Variants in PCDHGB1 observed in about 807,000 individuals in gnomAD.
The protein encoded by PCDHGB1 is protocadherin gamma-B1.
In PCDHGB1, 34 loss-of-function variants were observed where a neutral mutation model predicts 56.6. The ratio of observed to expected loss-of-function variants is 0.60; its 90% CI spans 0.46 to 0.80. PCDHGB1 has a LOEUF of 0.80. Ranked by LOEUF, PCDHGB1 falls within the 30% of genes least tolerant of loss-of-function variation. The pLI, the probability that PCDHGB1 is intolerant of heterozygous loss-of-function variation, is 0.00. For missense variants in PCDHGB1, 1,278 were observed against 1,204.6 expected (o/e 1.06, Z -0.90); for synonymous variants, 561 against 505.9 (o/e 1.11, Z -1.46).
chr5:141,387,984 C>T (rs1470979893), intron 1 of PCDHGB1: 2 of 1,485,580 alleles, frequency 1.3e-6, no homozygotes. Flanking sequence ...TGAGCAGATC[C>T]GCTACAGGAT....
At position 141,383,936 on chromosome 5, in the gene PCDHGB1, AAGTGACTATG is replaced by A. The variant is rs765282926; in HGVS notation, c.2409+31269_2409+31278del. On this transcript the variant is annotated intron_variant, in intron 1 of 3. Coordinates refer to ENST00000523390, the MANE Select transcript of PCDHGB1 (RefSeq NM_018922.3). ...TTAGATGTAAATGATAATGCTCCAG[AAGTGACTATG>A]ACGTCTTTAAGTAGCTCAATCCCTG... 5.0e-6 allele frequency: 8 copies of A among 1,613,818 alleles called. No homozygotes were observed. In the South Asian group the frequency reaches 8.8e-5, roughly 18 times the overall value.
intron 1 of PCDHGB1, chr5:141,394,617 G>T (rs369651266): frequency 8.1e-6 from 13 of 1,613,372 alleles, no homozygotes; most frequent in Non-Finnish European, 1.1e-5. Flanking sequence ...GGGCCAGAAC[G>T]CCTGGCTGTC....
Position 141,477,662 on chromosome 5 carries a change from A to G in PCDHGB1, c.2410-17145A>G. On this transcript the variant is annotated intron_variant, in intron 1 of 3. Transcript: ENST00000523390. The surrounding 1 kb of genome is among the most constrained non-coding windows in gnomAD (Gnocchi z 4.9). ...TCGCTATTTCACAATAAATCGTGAC[A>G]ATGGCATAGTGTCATCCTTAGTGCC... The G allele has an allele frequency of 6.2e-7, 1 of 1,614,222 alleles. No individual in the cohort carries two copies.
At chr5:141,369,877 C>T (rs1191397409) in intron 1 of PCDHGB1, among the ~76,000 whole-genome samples, 2 of 152,018 alleles carry the variant, frequency 1.3e-5, no homozygotes, top group Non-Finnish European at 2.9e-5. Flanking sequence ...CTAGAGTAAG[C>T]AGAGAAGATA....
In PCDHGB1 at chr5:141,490,462, ACCAG is replaced by A; in HGVS notation, c.2410-4338_2410-4335del. On this transcript the variant is annotated intron_variant, in intron 1 of 3. Coordinates refer to ENST00000523390, the MANE Select transcript of PCDHGB1 (RefSeq NM_018922.3). The surrounding 1 kb of genome is among the most constrained non-coding windows in gnomAD (Gnocchi z 5.4). ...TTCTGAGAACCACTACTCGCTGCTA[ACCAG>A]CCAGCCTTTGGACCGGGAGGCCACA... 1 of 1,614,198 alleles carries A rather than the reference ACCAG, an allele frequency of 6.2e-7. No homozygotes were observed.
Position 141,360,906 on chromosome 5 carries a change from G to C in PCDHGB1, c.2409+8237G>C, listed in dbSNP as rs781720353. On this transcript the variant is annotated intron_variant, in intron 1 of 3. Transcript: ENST00000523390. ...TCACCCTGAGGGAGGACGTGCCGCC[G>C]GGCTTCTTTGTGCTTCAAGTGACAG... 3.1e-6 allele frequency: 5 copies of C among 1,613,894 alleles called. No homozygotes were observed. In the African/African-American group the frequency reaches 6.7e-5, roughly 22 times the overall value.
chr5:141,415,740 G>GTTTTTTTTTTTTTTTTTTTTTTTTTT, intron 1 of PCDHGB1: 11 of 617,992 alleles, frequency 1.8e-5, no homozygotes, highest in Middle Eastern at 5.6e-4. Context: ...GTTTATTAAG[G>GTTTTTTTTTTTTTTTTTTTTTTTTTT]TTTTTTTTTT....
At chr5:141,381,078 T>C (rs1776973656) in intron 1 of PCDHGB1, among the ~76,000 whole-genome samples, 1 of 152,250 alleles carries the variant, frequency 6.6e-6, no homozygotes, top group African/African-American at 2.4e-5. Flanking sequence ...ATGGATTATT[T>C]TGATAGATCA....
In PCDHGB1 at chr5:141,489,087, T is replaced by A. The variant is rs2099682381; in HGVS notation, c.2410-5720T>A. ...CCCCCTGCCCACCCCCGCCACTCGG[T>A]GACTAAGAACTGCTGCAAGCAGGCA... is the stretch of plus-strand genomic sequence containing the variant. On this transcript the variant is annotated intron_variant, in intron 1 of 3. Coordinates refer to ENST00000523390, the MANE Select transcript of PCDHGB1 (RefSeq NM_018922.3). This position sits in a 1 kb window ranked among gnomAD's most constrained non-coding sequence, Gnocchi z 4.5. The A allele has an allele frequency of 4.6e-6, 1 of 216,106 alleles. No individual in the cohort carries two copies. Among genetic ancestry groups the A allele is most frequent in the Non-Finnish European group, 8.4e-6 (1 of 118,734 alleles). 13.4% of individuals were successfully genotyped at this position (216,106 alleles called of 1,614,324 possible). A position where few individuals can be genotyped will look rare whatever the true frequency, so the allele number is the denominator to read the frequency against.
At chr5:141,428,286 A>G in intron 1 of PCDHGB1, 1 of 730,462 alleles carries the variant, frequency 1.4e-6, no homozygotes, top group Non-Finnish European at 2.4e-6. Flanking sequence ...ATTCCCAAGC[A>G]AAGCTGCAGA....
chr5:141,424,393 A>G (rs1241872928), intron 1 of PCDHGB1: 1 of 152,120 alleles, frequency 6.6e-6, no homozygotes, highest in Non-Finnish European at 1.5e-5. Flanking sequence ...TGTCTTTTCC[A>G]TTACTATGGT....
At chr5:141,410,480 G>A in intron 1 of PCDHGB1, 1 of 1,613,966 alleles carries the variant, frequency 6.2e-7, no homozygotes, top group Non-Finnish European at 8.5e-7. Context: ...TGCACATACG[G>A]GTACAAAAGA....
intron 2 of PCDHGB1, among the ~76,000 whole-genome samples, chr5:141,500,020 T>A (rs905529317): frequency 6.6e-6 from 1 of 151,918 alleles, no homozygotes; most frequent in Non-Finnish European, 1.5e-5. Flanking sequence ...ACATTTTATA[T>A]TTGAGTGAGT....
chr5:141,383,861 C>T, intron 1 of PCDHGB1: 2 of 1,613,936 alleles, frequency 1.2e-6, no homozygotes, highest in Non-Finnish European at 8.5e-7. Context: ...GAGGTTCAGG[C>T]TCAAGATGGT....
chr5:141,362,639 G>T, intron 1 of PCDHGB1: 3 of 1,469,872 alleles, frequency 2.0e-6, no homozygotes, highest in Non-Finnish European at 2.7e-6. Flanking sequence ...GTATTTCTTT[G>T]TCTGTGAGTT....
At chr5:141,500,167 A>C (rs976308963) in intron 2 of PCDHGB1, among the ~76,000 whole-genome samples, 1 of 150,656 alleles carries the variant, frequency 6.6e-6, no homozygotes, top group African/African-American at 2.4e-5. Context: ...AAGAACATGC[A>C]TGAGCTTCAT....
At chr5:141,375,313 A>C in intron 1 of PCDHGB1, 1 of 1,613,824 alleles carries the variant, frequency 6.2e-7, no homozygotes, top group Non-Finnish European at 8.5e-7. Context: ...ATGCAGCTCT[A>C]GACCGGGAAG....
At chr5:141,390,882 G>A (rs892294372) in intron 1 of PCDHGB1, 2 of 152,824 alleles carry the variant, frequency 1.3e-5, no homozygotes, top group Non-Finnish European at 2.9e-5. Flanking sequence ...GTGTGTGTGT[G>A]TGTGTGAGAG....
At position 141,351,950 on chromosome 5, in the gene PCDHGB1, G is replaced by C. The variant is rs1343539435; in HGVS notation, c.1690G>C (p.Gly564Arg). The change falls in exon 1 of 4, where the codon GGG (glycine) becomes CGG (arginine). Residue 564 changes from glycine (G) to arginine (R), a missense_variant. By Grantham distance (125) the Gly-to-Arg change is moderately radical (BLOSUM62 -2). Coordinates refer to ENST00000523390, the MANE Select transcript of PCDHGB1 (RefSeq NM_018922.3). ...NAPRVLYPALGPDGSALFDMV... is the reference protein window; with the variant it reads ...NAPRVLYPALRPDGSALFDMV... ...GCCACGGGTGCTGTACCCCGCGCTG[G>C]GGCCTGATGGCTCCGCCCTCTTCGA... 6.2e-7 allele frequency: 1 copy of C among 1,613,000 alleles called. No individual in the cohort carries two copies. The highest frequency in any genetic ancestry group is 8.5e-7 in the Non-Finnish European group (1 of 1,179,746).
Sources: allele counts gnomAD v4.1 joint callset (sites outside exome capture counted in the v4.1 genomes callset), GRCh38; gene constraint gnomAD v4.1.1; non-coding constraint Gnocchi (gnomAD v3.1); transcripts MANE v1.5; gene names NCBI Gene and HGNC (gene_info 2026-07-23, HGNC 2026-07-21).